SPTSSA: variants seen among roughly 807,000 people sequenced by gnomAD.
SPTSSA encodes small subunit of serine palmitoyltransferase A.
Under a neutral mutation model 9.1 loss-of-function variants are expected in SPTSSA, and 8 were observed. The ratio of observed to expected loss-of-function variants is 0.88; its 90% CI spans 0.51 to 1.58. The LOEUF is 1.58. SPTSSA is among the 40% of genes most tolerant of loss of function. SPTSSA has a pLI of 0.00. For missense variants in SPTSSA, 100 were observed against 93.8 expected, an observed-to-expected ratio of 1.07 and a Z score of -0.27; for synonymous variants, 42 against 37.7, an observed-to-expected ratio of 1.11 and a Z score of -0.41.
intron 1 of SPTSSA, among the ~76,000 whole-genome samples, chr14:34,458,923 G>A (rs867992136): frequency 2.4e-5 from 1 of 41,312 alleles, no homozygotes; most frequent in African/African-American, 1.2e-4. Context: ...TTTTTTTTTT[G>A]AGACGGAGTC....
chr14:34,451,242 G>A (rs1341495315), intron 1 of SPTSSA, among the ~76,000 whole-genome samples: 1 of 151,970 alleles, frequency 6.6e-6, no homozygotes, highest in East Asian at 1.9e-4. Context: ...GTTTCTCACC[G>A]GGAAAAGGTC....
chr14:34,443,781 C>T (rs922862196), intron 1 of SPTSSA, among the ~76,000 whole-genome samples: 2 of 152,090 alleles, frequency 1.3e-5, no homozygotes, highest in Non-Finnish European at 2.9e-5. Flanking sequence ...GGGGATCCAC[C>T]TGCCTCGGCC....
chr14:34,443,550 T>TGTGTTTGTGTGTGC (rs1555314418), intron 1 of SPTSSA, among the ~76,000 whole-genome samples: 1 of 91,036 alleles, frequency 1.1e-5, no homozygotes, highest in African/African-American at 5.1e-5. Flanking sequence ...TGTGTGTGTG[T>TGTGTTTGTGTGTGC]TTTGAGATGG....
At chr14:34,436,455 T>C in intron 1 of SPTSSA, among the ~76,000 whole-genome samples, 1 of 152,182 alleles carries the variant, frequency 6.6e-6, no homozygotes, top group African/African-American at 2.4e-5. Flanking sequence ...AATTCATTCA[T>C]ATTCTCATTC....
chr14:34,452,961 T>C (rs1018617550), intron 1 of SPTSSA, among the ~76,000 whole-genome samples: 1 of 152,186 alleles, frequency 6.6e-6, no homozygotes, highest in East Asian at 1.9e-4. Context: ...TACTTATACA[T>C]GGATTTTCTT....
At chr14:34,450,580 G>C (rs1270715648) in intron 1 of SPTSSA, among the ~76,000 whole-genome samples, 1 of 151,282 alleles carries the variant, frequency 6.6e-6, no homozygotes, top group African/African-American at 2.5e-5. Context: ...ATTCTAGAGG[G>C]GGTTCCATGA....
chr14:34,458,434 G>A (rs774731852), intron 1 of SPTSSA, among the ~76,000 whole-genome samples: 35 of 152,024 alleles, frequency 2.3e-4, no homozygotes, highest in East Asian at 5.8e-4. Context: ...TCTGCCCACC[G>A]CGGCCTCCCA....
At chr14:34,460,773 G>A (rs1007078327) in intron 1 of SPTSSA, among the ~76,000 whole-genome samples, 1 of 152,136 alleles carries the variant, frequency 6.6e-6, no homozygotes. Flanking sequence ...GACCTTGCGA[G>A]CCCTAAAGAG....
chr14:34,442,354 C>G (rs1346596407), intron 1 of SPTSSA, among the ~76,000 whole-genome samples: 1 of 152,226 alleles, frequency 6.6e-6, no homozygotes, highest in Non-Finnish European at 1.5e-5. Flanking sequence ...GCACACCCAG[C>G]ATCCAGTTCT....
intron 1 of SPTSSA, among the ~76,000 whole-genome samples, chr14:34,445,133 A>G (rs113297056): frequency 2.0e-5 from 3 of 152,258 alleles, no homozygotes; most frequent in South Asian, 2.1e-4. Flanking sequence ...TTTTACACGC[A>G]AGGTGTCTAA....
At chr14:34,448,031 G>T (rs1883452788) in intron 1 of SPTSSA, among the ~76,000 whole-genome samples, 1 of 152,140 alleles carries the variant, frequency 6.6e-6, no homozygotes, top group African/African-American at 2.4e-5. Flanking sequence ...GAGGTGGGCA[G>T]ATCACTTGAG....
intron 1 of SPTSSA, among the ~76,000 whole-genome samples, chr14:34,445,628 T>C (rs977970843): frequency 3.3e-5 from 5 of 152,224 alleles, no homozygotes; most frequent in Admixed American, 2.6e-4. Flanking sequence ...AATGCCTGGC[T>C]CTCTGGATGT....
chr14:34,448,982 A>G (rs1278920137), intron 1 of SPTSSA, among the ~76,000 whole-genome samples: 1 of 152,138 alleles, frequency 6.6e-6, no homozygotes, highest in Non-Finnish European at 1.5e-5. Context: ...CCTGGATGAC[A>G]GAGTGAGACT....
intron 1 of SPTSSA, among the ~76,000 whole-genome samples, chr14:34,441,351 C>T (rs1883313136): frequency 6.6e-6 from 1 of 152,178 alleles, no homozygotes; most frequent in Non-Finnish European, 1.5e-5. Flanking sequence ...TACGGCATAC[C>T]CCAAGGAACC....
At chr14:34,459,100 T>C (rs754079385) in intron 1 of SPTSSA, among the ~76,000 whole-genome samples, 66 of 152,034 alleles carry the variant, frequency 4.3e-4, no homozygotes, top group Middle Eastern at 3.4e-3. Context: ...ATGCATTATA[T>C]AGCAGGAAAT....
chr14:34,453,459 C>T (rs569432315), intron 1 of SPTSSA, among the ~76,000 whole-genome samples: 26 of 152,346 alleles, frequency 1.7e-4, no homozygotes, highest in African/African-American at 6.3e-4. Context: ...CCCACACTGT[C>T]TGTATTACAT....
At chr14:34,449,247 T>C (rs1883476069) in intron 1 of SPTSSA, among the ~76,000 whole-genome samples, 1 of 151,504 alleles carries the variant, frequency 6.6e-6, no homozygotes, top group African/African-American at 2.4e-5. Context: ...AACAAACAAT[T>C]AGCCAGGCAT....
rs1883202738 is a variant in SPTSSA, at chr14:34,434,163, G to C, written c.*1038C>G. ...GAAAAGATATACTGCTACATCAGCT[G>C]ATTTTTTTTCTCTTTGAATTTAATG... is the stretch of plus-strand genomic sequence containing the variant. On this transcript the variant is annotated 3_prime_UTR_variant, in exon 2 of 2. Transcript: ENST00000298130. 6.6e-6 allele frequency: 1 copy of C among 151,394 alleles called. No homozygotes were observed. The highest frequency in any genetic ancestry group is 2.4e-5 in the African/African-American group (1 of 41,092). 9.4% of individuals were successfully genotyped at this position (151,394 alleles called of 1,614,324 possible).
At chr14:34,452,265 A>G (rs1883543355) in intron 1 of SPTSSA, among the ~76,000 whole-genome samples, 2 of 150,106 alleles carry the variant, frequency 1.3e-5, no homozygotes, top group Middle Eastern at 3.5e-3. Context: ...AAAAAAAAAA[A>G]GAAAGTTAAT....
Sources: allele counts gnomAD v4.1 joint callset (sites outside exome capture counted in the v4.1 genomes callset), GRCh38; gene constraint gnomAD v4.1.1; transcripts MANE v1.5; gene names NCBI Gene and HGNC (gene_info 2026-07-23, HGNC 2026-07-21).